The following SGCZ variants were observed in gnomAD, a reference collection of about 807,000 sequenced individuals.
SGCZ encodes the protein zeta-sarcoglycan.
A neutral mutation model predicts 41.3 loss-of-function variants in SGCZ; 40 were observed. That is an observed-to-expected ratio of 0.97 (90% CI 0.75 to 1.26). The LOEUF is 1.26. Ranked by LOEUF, SGCZ falls within the 50% of genes most tolerant of loss-of-function variation. The probability of loss-of-function intolerance (pLI) is 0.00; values close to 1 mark genes in which losing one functional copy is unlikely to be tolerated. For synonymous variants in SGCZ, 206 were observed against 137.5 expected, an observed-to-expected ratio of 1.50 and a Z score of -3.49; for missense variants, 552 against 369.8, an observed-to-expected ratio of 1.49 and a Z score of -4.04.
At chr8:14,903,382 T>A (rs1799029374) in intron 1 of SGCZ, among the ~76,000 whole-genome samples, 1 of 152,144 alleles carries the variant, frequency 6.6e-6, no homozygotes, top group African/African-American at 2.4e-5. Context: ...TTTAAAACAA[T>A]TAATAATTAT....
chr8:14,215,408 A>T (rs939742867), intron 4 of SGCZ, among the ~76,000 whole-genome samples: 18 of 152,190 alleles, frequency 1.2e-4, no homozygotes, highest in African/African-American at 4.3e-4. Context: ...CACTTGCCCT[A>T]GCAAAGAGGA....
Position 14,975,791 on chromosome 8 carries a change from A to G in SGCZ, c.39+261794T>C, listed in dbSNP as rs201779464. Among the ~76,000 whole-genome samples the G allele has an allele frequency of 1.4e-3, 87 of 62,444 alleles. 1 individual carries two copies. Among genetic ancestry groups the G allele is most frequent in the Non-Finnish European group, 4.0e-4 (12 of 30,368 alleles). 41.0% of individuals were successfully genotyped at this position (62,444 alleles called of 152,430 possible). A position where few individuals can be genotyped will look rare whatever the true frequency, so the allele number is the denominator to read the frequency against. The stretch of plus-strand genomic sequence containing the variant: ...TGTAACTCCACTTTTTTCCACTTTT[A>G]TATATATATATATATATATGTGTGT... On this transcript the variant is annotated intron_variant, in intron 1 of 7. Coordinates refer to ENST00000382080, the MANE Select transcript of SGCZ (RefSeq NM_139167.4).
At chr8:14,635,837 A>G (rs1171921112) in intron 1 of SGCZ, among the ~76,000 whole-genome samples, 1 of 151,882 alleles carries the variant, frequency 6.6e-6, no homozygotes, top group Non-Finnish European at 1.5e-5. Context: ...AGATAGAATG[A>G]GAGAAAAGTA....
At chr8:14,494,037 C>A (rs1227509998) in intron 2 of SGCZ, among the ~76,000 whole-genome samples, 1 of 152,086 alleles carries the variant, frequency 6.6e-6, no homozygotes, top group Non-Finnish European at 1.5e-5. Context: ...AATGTACTAC[C>A]CATTCATCTC....
chr8:14,268,844 T>C (rs1207449039), intron 3 of SGCZ, among the ~76,000 whole-genome samples: 1 of 151,860 alleles, frequency 6.6e-6, no homozygotes, highest in Non-Finnish European at 1.5e-5. Flanking sequence ...TGAAGTATGT[T>C]AAAAACGTAT....
At chr8:15,199,013 A>G (rs920317655) in intron 1 of SGCZ, among the ~76,000 whole-genome samples, 3 of 152,212 alleles carry the variant, frequency 2.0e-5, no homozygotes, top group African/African-American at 7.2e-5. Context: ...AAATTCTACC[A>G]TATGAGAGTA....
chr8:14,100,356 TAATC>T (rs944562832), intron 7 of SGCZ, among the ~76,000 whole-genome samples: 15 of 151,190 alleles, frequency 9.9e-5, no homozygotes, highest in African/African-American at 2.7e-4. Context: ...ATATTAATAA[TAATC>T]AATATTTATT....
chr8:14,302,027 A>C (rs147867026), intron 3 of SGCZ, among the ~76,000 whole-genome samples: 30 of 152,304 alleles, frequency 2.0e-4, no homozygotes, highest in Non-Finnish European at 3.1e-4. Flanking sequence ...TGATTTACAA[A>C]GAATACTTTT....
intron 2 of SGCZ, among the ~76,000 whole-genome samples, chr8:14,464,492 T>TA (rs1460032259): frequency 2.6e-5 from 4 of 151,014 alleles, no homozygotes; most frequent in Non-Finnish European, 5.9e-5. Flanking sequence ...TGGTATTTTT[T>TA]TTTTTTTTTT....
At chr8:14,414,609 A>T (rs1321042160) in intron 2 of SGCZ, among the ~76,000 whole-genome samples, 1 of 152,008 alleles carries the variant, frequency 6.6e-6, no homozygotes, top group Non-Finnish European at 1.5e-5. Context: ...TAGCTGAGAA[A>T]ATGTGTGATA....
At chr8:14,791,924 C>A (rs578100322) in intron 1 of SGCZ, among the ~76,000 whole-genome samples, 1 of 152,264 alleles carries the variant, frequency 6.6e-6, no homozygotes, top group South Asian at 2.1e-4. Context: ...TTTCTCAATG[C>A]AAAGCACAGC....
At chr8:14,828,837 T>C (rs1585298564) in intron 1 of SGCZ, among the ~76,000 whole-genome samples, 1 of 152,178 alleles carries the variant, frequency 6.6e-6, no homozygotes, top group Non-Finnish European at 1.5e-5. Flanking sequence ...AGTCCTTCTT[T>C]ACCATAACAA....
chr8:14,429,103 G>C (rs1196510310), intron 2 of SGCZ, among the ~76,000 whole-genome samples: 1 of 152,178 alleles, frequency 6.6e-6, no homozygotes. Context: ...ATAGATCACA[G>C]AACATTATAG....
intron 1 of SGCZ, among the ~76,000 whole-genome samples, chr8:15,114,459 A>G (rs906438441): frequency 2.0e-5 from 3 of 152,244 alleles, no homozygotes; most frequent in African/African-American, 7.2e-5. Context: ...CTCTCTTTAC[A>G]AATGTATTTT....
intron 1 of SGCZ, among the ~76,000 whole-genome samples, chr8:15,055,708 C>G (rs548261840): frequency 1.7e-4 from 26 of 152,306 alleles, no homozygotes; most frequent in African/African-American, 5.5e-4. Flanking sequence ...CCAGGGAGAC[C>G]TTGAGAAGCA....
chr8:14,144,273 T>C (rs1449083743), intron 5 of SGCZ, among the ~76,000 whole-genome samples: 1 of 152,176 alleles, frequency 6.6e-6, no homozygotes, highest in Non-Finnish European at 1.5e-5. Flanking sequence ...TTGGACATCT[T>C]GGATACCAGC....
At chr8:14,135,488 A>T (rs1381941295) in intron 5 of SGCZ, among the ~76,000 whole-genome samples, 1 of 152,190 alleles carries the variant, frequency 6.6e-6, no homozygotes, top group Non-Finnish European at 1.5e-5. Flanking sequence ...TGAGTGAATG[A>T]CTATCTTGAG....
chr8:14,864,765 G>A (rs1045254584), intron 1 of SGCZ, among the ~76,000 whole-genome samples: 8 of 151,816 alleles, frequency 5.3e-5, no homozygotes, highest in East Asian at 1.9e-4. Flanking sequence ...TTTCATAACC[G>A]GTAACTAATT....
intron 1 of SGCZ, among the ~76,000 whole-genome samples, chr8:14,909,006 T>C (rs1269325875): frequency 6.6e-6 from 1 of 152,172 alleles, no homozygotes; most frequent in Non-Finnish European, 1.5e-5. Flanking sequence ...CCTGGGACAA[T>C]GCTTGACATA....
Sources: allele counts gnomAD v4.1 joint callset (sites outside exome capture counted in the v4.1 genomes callset), GRCh38; gene constraint gnomAD v4.1.1; transcripts MANE v1.5; gene names NCBI Gene and HGNC (gene_info 2026-07-23, HGNC 2026-07-21).